The following CTNNA2 variants were observed in gnomAD, a reference collection of about 807,000 sequenced individuals.
CTNNA2 encodes catenin alpha-2.
A neutral mutation model predicts 101.0 loss-of-function variants in CTNNA2; 42 were observed. That is an observed-to-expected ratio of 0.42 (90% CI 0.32 to 0.54). The LOEUF is 0.54. Among genes scored for constraint, CTNNA2 ranks in the 20% least tolerant of loss-of-function variants. The probability of loss-of-function intolerance (pLI) is 0.14; values close to 1 mark genes in which losing one functional copy is unlikely to be tolerated. For missense variants in CTNNA2, 871 were observed against 1,223.1 expected (o/e 0.71, Z 4.29); for synonymous variants, 450 against 456.4 (o/e 0.99, Z 0.18).
intron 7 of CTNNA2, among the ~76,000 whole-genome samples, chr2:80,189,760 A>G (rs1290524456): frequency 1.3e-5 from 2 of 150,882 alleles, no homozygotes; most frequent in Non-Finnish European, 3.0e-5. Flanking sequence ...AAAAAAAAAC[A>G]AAACAAAAAC....
chr2:79,603,228 C>G (rs1460074112), intron 1 of CTNNA2, among the ~76,000 whole-genome samples: 3 of 152,076 alleles, frequency 2.0e-5, no homozygotes, highest in African/African-American at 4.8e-5. Flanking sequence ...ATATGTGCCT[C>G]ATACCACATA....
chr2:79,894,251 A>G (rs1684537456), intron 6 of CTNNA2, among the ~76,000 whole-genome samples: 1 of 151,966 alleles, frequency 6.6e-6, no homozygotes, highest in South Asian at 2.1e-4. Flanking sequence ...TGTTTCTCCC[A>G]TCTTCATGAA....
Position 80,084,967 on chromosome 2 carries a change from AG to A in CTNNA2, c.1056+175171del, listed in dbSNP as rs1699355582. On this transcript the variant is annotated intron_variant, in intron 7 of 18. Transcript: ENST00000402739. ...TAAAAGTGGGATTCCTAGAAGAAGC[AG>A]ATAGTAGTATGTGACTGTTGTGAAA... 3.9e-5 allele frequency among the ~76,000 whole-genome samples: 6 copies of A among 152,212 alleles called. No homozygotes were observed. In the South Asian group the frequency reaches 1.2e-3, roughly 32 times the overall value.
At chr2:79,785,520 C>T (rs1354384449) in intron 3 of CTNNA2, among the ~76,000 whole-genome samples, 1 of 152,184 alleles carries the variant, frequency 6.6e-6, no homozygotes, top group Non-Finnish European at 1.5e-5. Flanking sequence ...AGCACCTCTG[C>T]TGATCTCACC....
At chr2:79,211,260 C>T (rs1212482008) in intron 2 of CTNNA2, among the ~76,000 whole-genome samples, 1 of 152,120 alleles carries the variant, frequency 6.6e-6, no homozygotes, top group African/African-American at 2.4e-5. Context: ...GTCTCCGGCA[C>T]ACTGTACAAC....
At chr2:80,184,837 A>G (rs1305633916) in intron 7 of CTNNA2, among the ~76,000 whole-genome samples, 1 of 152,212 alleles carries the variant, frequency 6.6e-6, no homozygotes, top group Non-Finnish European at 1.5e-5. Context: ...CGCTAATGCA[A>G]TTTTTAAAAT....
chr2:80,418,847 T>A (rs1680263735), intron 8 of CTNNA2, among the ~76,000 whole-genome samples: 1 of 152,234 alleles, frequency 6.6e-6, no homozygotes, highest in Non-Finnish European at 1.5e-5. Flanking sequence ...TGTTAGAAGA[T>A]TTGGGCTTGT....
chr2:79,568,176 A>C (rs1033446487), intron 1 of CTNNA2, among the ~76,000 whole-genome samples: 21 of 152,302 alleles, frequency 1.4e-4, no homozygotes, highest in African/African-American at 4.8e-4. Context: ...GCACATCGTA[A>C]GTGCTAAATA....
intron 9 of CTNNA2, among the ~76,000 whole-genome samples, chr2:80,459,399 A>C (rs1398321880): frequency 1.3e-5 from 2 of 152,162 alleles, no homozygotes; most frequent in African/African-American, 4.8e-5. Context: ...CTTGACATTG[A>C]GGTTAAAAGC....
At chr2:80,557,472 C>T (rs957568883) in intron 12 of CTNNA2, among the ~76,000 whole-genome samples, 5 of 152,110 alleles carry the variant, frequency 3.3e-5, no homozygotes, top group African/African-American at 1.2e-4. Context: ...AAAGTCTCAG[C>T]TTCATGTGAG....
Position 80,434,887 on chromosome 2 carries a change from C to T in CTNNA2, c.1290+15286C>T, listed in dbSNP as rs926142692. On this transcript the variant is annotated intron_variant, in intron 9 of 18. Coordinates refer to ENST00000402739, the MANE Select transcript of CTNNA2 (RefSeq NM_001282597.3). ...CACTATGGAGAGATGCTAACTGGCC[C>T]GGCCTCATTTCCTCTACTTTGAATG... 3.3e-5 allele frequency among the ~76,000 whole-genome samples: 5 copies of T among 152,056 alleles called. No homozygotes were observed. In the East Asian group the frequency reaches 5.8e-4, roughly 18 times the overall value.
In CTNNA2 at chr2:79,253,057, G is replaced by A. The variant is rs150564217; in HGVS notation, c.-406+54981G>A. On this transcript the variant is annotated intron_variant, in intron 2 of 21. Transcript: ENST00000466387. ...AGCATATTCTCATTTGCTTATTCTG[G>A]AGACCCAGGTTCTGGGAGTGTGGCT... Among the ~76,000 whole-genome samples, 286 of 152,246 alleles carry A rather than the reference G, an allele frequency of 1.9e-3. 2 individuals carry two copies. Among genetic ancestry groups the A allele is most frequent in the Middle Eastern group, 0.014 (4 of 294 alleles).
intron 7 of CTNNA2, among the ~76,000 whole-genome samples, chr2:80,365,688 A>G (rs1040389222): frequency 5.9e-5 from 9 of 152,150 alleles, no homozygotes; most frequent in African/African-American, 2.2e-4. Flanking sequence ...TATGAGGAAC[A>G]TAAGATTGTG....
chr2:79,775,974 C>T (rs1435121148), intron 3 of CTNNA2, among the ~76,000 whole-genome samples: 1 of 152,192 alleles, frequency 6.6e-6, no homozygotes. Context: ...AGAGGGAATT[C>T]ATCTAACTTC....
chr2:79,556,470 C>G (rs561393188), intron 1 of CTNNA2, among the ~76,000 whole-genome samples: 1 of 152,006 alleles, frequency 6.6e-6, no homozygotes, highest in East Asian at 1.9e-4. Context: ...CTGCCTTTTT[C>G]ATCTAGTTCA....
intron 7 of CTNNA2, among the ~76,000 whole-genome samples, chr2:80,076,052 T>C (rs550258985): frequency 6.6e-6 from 1 of 152,018 alleles, no homozygotes; most frequent in African/African-American, 2.4e-5. Context: ...TGCTGTTTTC[T>C]TACTGTATCT....
At position 80,532,146 on chromosome 2, in the gene CTNNA2, T is replaced by C. The variant is rs112838847; in HGVS notation, c.1291-12836T>C. 5.8e-3 allele frequency among the ~76,000 whole-genome samples: 880 copies of C among 152,336 alleles called. 6 individuals are homozygous for C. The highest frequency in any genetic ancestry group is 7.8e-3 in the Admixed American group (119 of 15,302). On this transcript the variant is annotated intron_variant, in intron 9 of 18. Transcript: ENST00000402739. ...TTAAGGAAAAAACTCCTTGTCCTTA[T>C]GTATTTCCCCAAAAGCCTGCCTGGG...
At chr2:80,256,524 T>C (rs1672165300) in intron 7 of CTNNA2, among the ~76,000 whole-genome samples, 1 of 152,092 alleles carries the variant, frequency 6.6e-6, no homozygotes. Context: ...GCTAACTCAT[T>C]TGTTGCACCA....
intron 1 of CTNNA2, among the ~76,000 whole-genome samples, chr2:79,537,903 A>G (rs1432054742): frequency 6.6e-6 from 1 of 152,068 alleles, no homozygotes; most frequent in Non-Finnish European, 1.5e-5. Flanking sequence ...TTATACCCCA[A>G]GTTGAAAATC....
Sources: allele counts gnomAD v4.1 joint callset (sites outside exome capture counted in the v4.1 genomes callset), GRCh38; gene constraint gnomAD v4.1.1; transcripts MANE v1.5; gene names NCBI Gene and HGNC (gene_info 2026-07-23, HGNC 2026-07-21).